PKHD1L1: variants seen among roughly 807,000 people sequenced by gnomAD.
PKHD1L1 encodes PKHD1 like 1.
In PKHD1L1, 434 loss-of-function variants were observed where a neutral mutation model predicts 462.9. The ratio of observed to expected loss-of-function variants is 0.94; its 90% CI spans 0.87 to 1.02. The LOEUF (loss-of-function observed/expected upper bound fraction) is 1.02. PKHD1L1 is among the 50% of genes least tolerant of loss of function. The pLI is 0.00. For synonymous variants in PKHD1L1, 1,781 were observed against 1,750.0 expected, an observed-to-expected ratio of 1.02 and a Z score of -0.44; for missense variants, 5,202 against 5,096.1, an observed-to-expected ratio of 1.02 and a Z score of -0.63.
In PKHD1L1 at chr8:109,483,088, G is replaced by T; in HGVS notation, c.9559G>T (p.Asp3187Tyr). The T allele has an allele frequency of 1.3e-6, 2 of 1,585,342 alleles. No individual in the cohort carries two copies. Among genetic ancestry groups the T allele is most frequent in the South Asian group, 2.3e-5 (2 of 87,284 alleles). ...FAGSKVLSLMDAVDWQEGEEI... is the reference protein window; with the variant it reads ...FAGSKVLSLMYAVDWQEGEEI... Reference sequence around the variant, plus strand: ...AGGTTCCAAAGTCCTGTCTCTGATGGATGCTGTGGATTGGCAGGTAGACAA... The same window carrying T: ...AGGTTCCAAAGTCCTGTCTCTGATGTATGCTGTGGATTGGCAGGTAGACAA... The change falls in exon 57 of 78, where the codon GAT becomes TAT. Residue 3187 changes from aspartate (D) to tyrosine (Y), a missense_variant. By Grantham distance (160) the Asp-to-Tyr change is radical. Around this residue, in one of 3 missense-constraint regions of PKHD1L1, gnomAD observed 4,497 missense variants for 4,336.8 expected, o/e 1.04. Transcript: ENST00000378402.
chr8:109,424,517 A>G (rs1814636774), intron 23 of PKHD1L1, among the ~76,000 whole-genome samples: 1 of 152,190 alleles, frequency 6.6e-6, no homozygotes, highest in African/African-American at 2.4e-5. Flanking sequence ...CAACAGGAGA[A>G]TATAATTTTC....
intron 58 of PKHD1L1, among the ~76,000 whole-genome samples, chr8:109,485,468 G>C (rs997892133): frequency 2.0e-5 from 3 of 151,954 alleles, no homozygotes. Context: ...TCTTGTGCAC[G>C]CTGAAATTTG....
rs200037701 is a variant in PKHD1L1, at chr8:109,454,791, T to C, written c.6813T>C (p.Pro2271=). The part of the protein sequence containing the change: ...VITLHGHLRS[P]ELPVYGAKTL... Reference sequence around the variant, plus strand: ...CCTTGCATGGTCACCTGCGATCTCCTGAGCTCCCTGTCTATGGTGCCAAAA... The same window carrying C: ...CCTTGCATGGTCACCTGCGATCTCCCGAGCTCCCTGTCTATGGTGCCAAAA... The change falls in exon 45 of 78, where the codon CCT becomes CCC. Residue 2271 remains proline (P), a synonymous_variant. Transcript: ENST00000378402. 7 of 1,613,728 alleles carry C rather than the reference T, an allele frequency of 4.3e-6. No individual in the cohort carries two copies. The African/African-American group carries it at 9.3e-5, about 22-fold the overall frequency.
rs1813753006 is a variant in PKHD1L1 at position 109,409,982 on chromosome 8, T to C, written c.2085+4T>C. ...CTATGAAACTGATTTTAATCTGGTA[T>C]GAAATATTTAATGAACTGTGAAACT... On this transcript the variant is annotated splice_donor_region_variant and intron_variant, in intron 19 of 77. Transcript: ENST00000378402. The C allele has an allele frequency of 4.8e-6, 7 of 1,470,128 alleles. No homozygotes were observed. The highest frequency in any genetic ancestry group is 6.5e-6 in the Non-Finnish European group (7 of 1,072,718). 91.1% of individuals were successfully genotyped at this position (1,470,128 alleles called of 1,614,324 possible).
Position 109,442,976 on chromosome 8 carries a change from G to C in PKHD1L1, c.4424G>C (p.Gly1475Ala). The change falls in exon 36 of 78, where the codon GGA becomes GCA. Residue 1475 changes from glycine to alanine, a missense_variant. Transcript: ENST00000378402. ...GSFSYQFTSP[G>A]IHYYSSGYVD... The stretch of plus-strand genomic sequence containing the variant: ...TTTTCTTACCAATTTACTTCTCCTG[G>C]AATCCATTATTATAGCAGCGGGTAT... 6.2e-7 allele frequency: 1 copy of C among 1,613,202 alleles called. No homozygotes were observed. Among genetic ancestry groups the C allele is most frequent in the Non-Finnish European group, 8.5e-7 (1 of 1,179,452 alleles).
intron 6 of PKHD1L1, among the ~76,000 whole-genome samples, chr8:109,387,822 C>A (rs1485906472): frequency 2.0e-5 from 3 of 152,140 alleles, no homozygotes; most frequent in Non-Finnish European, 4.4e-5. Flanking sequence ...CTGGGATTTG[C>A]TGTCCCAAAA....
In PKHD1L1 at chr8:109,369,329, C is replaced by CT. The variant is rs1345860515; in HGVS notation, c.163+4698dup. 1.3e-4 allele frequency among the ~76,000 whole-genome samples: 20 copies of CT among 152,142 alleles called. No individual in the cohort carries two copies. The East Asian group carries it at 3.9e-3, about 29-fold the overall frequency. On this transcript the variant is annotated intron_variant, in intron 2 of 77. Transcript: ENST00000378402. Reference sequence around the variant, plus strand: ...TTAAAAAGAAGACTCCTTTGTATTTCTTTTTAACTCTTTGGAATTAGTTTA... The same window carrying CT: ...TTAAAAAGAAGACTCCTTTGTATTTCTTTTTTAACTCTTTGGAATTAGTTTA...
At position 109,403,706 on chromosome 8, in the gene PKHD1L1, A is replaced by C. The variant is rs934957297; in HGVS notation, c.1374-848A>C. The stretch of plus-strand genomic sequence containing the variant: ...CCATTGGGCAATGATCCAGAACCCT[A>C]TCATTCTACACATATGAAACATGAT... On this transcript the variant is annotated intron_variant, in intron 14 of 77. Coordinates refer to ENST00000378402, the MANE Select transcript of PKHD1L1 (RefSeq NM_177531.6). Among the ~76,000 whole-genome samples the C allele has an allele frequency of 3.3e-5, 5 of 152,218 alleles. No homozygotes were observed. In the East Asian group the frequency reaches 9.7e-4, roughly 29 times the overall value.
chr8:109,510,789 A>G lies in PKHD1L1; in HGVS notation c.11408A>G (p.His3803Arg), dbSNP rs199877442. Residue 3803 changes from histidine (H) to arginine (R), a missense_variant, in exon 71 of 78, where the codon CAT becomes CGT. Physicochemically the swap from His to Arg is conservative, Grantham distance 29 (BLOSUM62 0). This residue lies in a region of PKHD1L1 where 698 missense variants were observed against 736.3 expected (regional missense o/e 0.95). Coordinates refer to ENST00000378402, the MANE Select transcript of PKHD1L1 (RefSeq NM_177531.6). Reference protein sequence around the residue: ...YVDLINGPQDHGWCAGYTCQR... With the variant: ...YVDLINGPQDRGWCAGYTCQR... ...TGCATGGATTTAGGCCCACAGGATC[A>G]TGGCTGGTGTGCTGGATATACATGC... The G allele has an allele frequency of 6.6e-4, 1,071 of 1,612,886 alleles. 10 individuals are homozygous for G. The Middle Eastern group carries it at 0.024, about 36-fold the overall frequency.
Position 109,465,102 on chromosome 8 carries a change from C to T in PKHD1L1, c.8270C>T (p.Thr2757Ile). Residue 2757 changes from threonine (T) to isoleucine (I), a missense_variant, in exon 49 of 78, where the codon ACA becomes ATA. By Grantham distance (89) the Thr-to-Ile change is moderately conservative. Coordinates refer to ENST00000378402, the MANE Select transcript of PKHD1L1 (RefSeq NM_177531.6). ...DRPNCVALGV[T>I]SISGVCNDRC... ...CCCAACTGTGTAGCTTTGGGAGTGA[C>T]ATCCATCTCTGGAGTTTGTAATGAC... is the stretch of plus-strand genomic sequence containing the variant. The T allele has an allele frequency of 3.1e-6, 5 of 1,613,838 alleles. No individual in the cohort carries two copies. Among genetic ancestry groups the T allele is most frequent in the Non-Finnish European group, 4.2e-6 (5 of 1,179,786 alleles).
Position 109,419,219 on chromosome 8 carries a change from T to C in PKHD1L1, c.2483T>C (p.Val828Ala), listed in dbSNP as rs143979071. The C allele has an allele frequency of 2.0e-4, 323 of 1,612,050 alleles. 1 individual carries two copies. Among genetic ancestry groups the C allele is most frequent in the South Asian group, 2.8e-4 (25 of 90,798 alleles). ...ASESQSFYVDVVYIGHTSTIS... is the reference protein window; with the variant it reads ...ASESQSFYVDAVYIGHTSTIS... ...GAATCACAGTCCTTCTATGTGGATG[T>C]AGTGTACATTGGACACACATCTACA... is the stretch of plus-strand genomic sequence containing the variant. Residue 828 changes from valine (V) to alanine (A), a missense_variant, in exon 22 of 78, where the codon GTA becomes GCA. Physicochemically the swap from Val to Ala is moderately conservative, Grantham distance 64. Transcript: ENST00000378402.
chr8:109,431,637 T>C (rs1209539913), intron 27 of PKHD1L1, among the ~76,000 whole-genome samples: 1 of 152,244 alleles, frequency 6.6e-6, no homozygotes, highest in Non-Finnish European at 1.5e-5. Flanking sequence ...AGAATTCATT[T>C]TGAGATATAT....
intron 58 of PKHD1L1, 30 bp downstream of exon 58, chr8:109,485,203 A>G: frequency 2.7e-6 from 4 of 1,472,288 alleles, no homozygotes; most frequent in Non-Finnish European, 2.8e-6. Context: ...CCAAATAGAT[A>G]TATAATTGTG....
intron 38 of PKHD1L1, among the ~76,000 whole-genome samples, chr8:109,446,194 T>A (rs899505569): frequency 1.3e-5 from 2 of 152,216 alleles, no homozygotes; most frequent in Admixed American, 6.5e-5. Context: ...GGTTGATATA[T>A]CTTCTTAGTC....
At chr8:109,411,346 A>G (rs996511750) in intron 19 of PKHD1L1, among the ~76,000 whole-genome samples, 3 of 152,166 alleles carry the variant, frequency 2.0e-5, no homozygotes, top group African/African-American at 7.2e-5. Context: ...TACTCTAGTT[A>G]TTTAATTCAG....
At position 109,474,787 on chromosome 8, in the gene PKHD1L1, A is replaced by C. The variant is rs550038328; in HGVS notation, c.8606-331A>C. 3.3e-5 allele frequency among the ~76,000 whole-genome samples: 5 copies of C among 152,276 alleles called. No individual in the cohort carries two copies. In the South Asian group the frequency reaches 1.0e-3, roughly 32 times the overall value. ...TATATTTAGGCACTTTCGTTTTAGC[A>C]GTTGTAATTTCACAATGTTTCAAGT... On this transcript the variant is annotated intron_variant, in intron 50 of 77. Coordinates refer to ENST00000378402, the MANE Select transcript of PKHD1L1 (RefSeq NM_177531.6).
At chr8:109,437,507 C>T (rs1252385234) in intron 30 of PKHD1L1, among the ~76,000 whole-genome samples, 1 of 126,274 alleles carries the variant, frequency 7.9e-6, no homozygotes, top group Admixed American at 9.5e-5. Flanking sequence ...CCCCACCCCA[C>T]AACAGGCCCC....
At chr8:109,379,148 T>C (rs2130396111) in intron 2 of PKHD1L1, among the ~76,000 whole-genome samples, 1 of 152,220 alleles carries the variant, frequency 6.6e-6, no homozygotes, top group Non-Finnish European at 1.5e-5. Flanking sequence ...AGACCAACAC[T>C]GAGCTCTCAA....
intron 26 of PKHD1L1, 26 bp downstream of exon 26, chr8:109,429,488 G>A: frequency 6.3e-7 from 1 of 1,587,818 alleles, no homozygotes; most frequent in Non-Finnish European, 8.6e-7. Context: ...TTCTCATGAT[G>A]CTTAATGTAA....
Sources: gnomAD v4.1 joint callset for allele counts (sites outside exome capture counted in the v4.1 genomes callset) on GRCh38, gnomAD v4.1.1 for gene constraint, gnomAD v4.1.1 regional missense constraint, MANE v1.5 for transcripts, NCBI Gene and HGNC (gene_info 2026-07-23, HGNC 2026-07-21) for gene names.